Variants in TNKS2 observed in about 807,000 individuals in gnomAD.
The protein encoded by TNKS2 is poly [ADP-ribose] polymerase tankyrase-2.
In TNKS2, 72 loss-of-function variants were observed where a neutral mutation model predicts 137.6. That is an observed-to-expected ratio of 0.52 (90% CI 0.43 to 0.64). The LOEUF is 0.64. Ranked by LOEUF, TNKS2 falls within the 30% of genes least tolerant of loss-of-function variation. The pLI, the probability that TNKS2 is intolerant of heterozygous loss-of-function variation, is 0.00. For synonymous variants in TNKS2, 516 were observed against 512.1 expected (o/e 1.01, Z -0.10); for missense variants, 1,049 against 1,410.2 (o/e 0.74, Z 4.10).
chr10:91,840,840 T>A, intron 14 of TNKS2, 134 bp downstream of exon 14: 2 of 827,418 alleles, frequency 2.4e-6, no homozygotes, highest in Non-Finnish European at 3.6e-6. Flanking sequence ...TAAATAGAGC[T>A]TCTTAATTTC....
chr10:91,845,369 T>A (rs1376227500), intron 17 of TNKS2, among the ~76,000 whole-genome samples: 1 of 152,248 alleles, frequency 6.6e-6, no homozygotes, highest in Non-Finnish European at 1.5e-5. Context: ...TGTTCCTGAC[T>A]TATCATAGTC....
At chr10:91,828,774 A>G (rs973841139) in intron 9 of TNKS2, among the ~76,000 whole-genome samples, 3 of 152,178 alleles carry the variant, frequency 2.0e-5, no homozygotes, top group Admixed American at 2.0e-4. Flanking sequence ...TAAAATAAAT[A>G]CCACCATCCA....
At chr10:91,842,448 C>T in intron 16 of TNKS2, 57 bp downstream of exon 16, 5 of 1,495,490 alleles carry the variant, frequency 3.3e-6, no homozygotes, top group East Asian at 2.3e-5. Flanking sequence ...TCATTTTACC[C>T]AGGTAAAATA....
chr10:91,828,891 A>G (rs926447126), intron 9 of TNKS2, among the ~76,000 whole-genome samples: 3 of 152,208 alleles, frequency 2.0e-5, no homozygotes, highest in African/African-American at 7.2e-5. Context: ...TAACTGTGGA[A>G]CTATGACAAA....
Position 91,826,586 on chromosome 10 carries a change from A to G in TNKS2, c.796-431A>G, listed in dbSNP as rs374151158. Among the ~76,000 whole-genome samples the G allele has an allele frequency of 1.1e-4, 17 of 152,346 alleles. No homozygotes were observed. In the East Asian group the frequency reaches 2.7e-3, roughly 24 times the overall value. The stretch of plus-strand genomic sequence containing the variant: ...TCTAATATGTGGCCAGAATCGGGGC[A>G]GGAATTGTCTATAAAAGGAGCATGA... On this transcript the variant is annotated intron_variant, in intron 7 of 26. Coordinates refer to ENST00000371627, the MANE Select transcript of TNKS2 (RefSeq NM_025235.4).
At chr10:91,837,827 C>G (rs747706018) in intron 13 of TNKS2, among the ~76,000 whole-genome samples, 4 of 152,158 alleles carry the variant, frequency 2.6e-5, no homozygotes, top group Admixed American at 6.5e-5. Flanking sequence ...CAGAAAAATG[C>G]AACTATCATG....
In TNKS2 at chr10:91,849,555, T is replaced by C; in HGVS notation, c.2655T>C (p.Leu885=). The part of the protein sequence containing the change: ...DFSITQFVRN[L]GLEHLMDIFE... ...GCATAACTCAATTCGTAAGGAATCT[T>C]GGACTTGAGCACCTAATGGATATAT... Residue 885 remains leucine (L), a synonymous_variant, in exon 20 of 27, where the codon CTT becomes CTC. Coordinates refer to ENST00000371627, the MANE Select transcript of TNKS2 (RefSeq NM_025235.4). 1.2e-6 allele frequency: 2 copies of C among 1,612,650 alleles called. No individual in the cohort carries two copies.
At chr10:91,852,153 G>A (rs921189789) in intron 21 of TNKS2, among the ~76,000 whole-genome samples, 18 of 151,870 alleles carry the variant, frequency 1.2e-4, no homozygotes, top group African/African-American at 3.9e-4. Context: ...GCGTGAACCC[G>A]GGAAGCGGAG....
At position 91,841,455 on chromosome 10, in the gene TNKS2, T is replaced by G; in HGVS notation, c.1839+7T>G. On this transcript the variant is annotated splice_region_variant and intron_variant, in intron 15 of 26. Coordinates refer to ENST00000371627, the MANE Select transcript of TNKS2 (RefSeq NM_025235.4). ...TTGCAAACTTCTGCTCCAGGTATAT[T>G]TAAATACTTAACTGTAAAGAGTATG... 6.3e-7 allele frequency: 1 copy of G among 1,589,992 alleles called. No individual in the cohort carries two copies.
At chr10:91,844,692 A>G (rs1225826218) in intron 16 of TNKS2, among the ~76,000 whole-genome samples, 1 of 152,226 alleles carries the variant, frequency 6.6e-6, no homozygotes, top group Non-Finnish European at 1.5e-5. Context: ...AACTTGAGGC[A>G]AGGGGGAAAT....
At chr10:91,857,356 G>A in intron 23 of TNKS2, 69 bp from the exon 24 acceptor site, 1 of 1,055,196 alleles carries the variant, frequency 9.5e-7, no homozygotes, top group Non-Finnish European at 1.4e-6. Flanking sequence ...TATGTCCCAT[G>A]TTTGGTTTAG....
intron 1 of TNKS2, among the ~76,000 whole-genome samples, chr10:91,811,763 A>G (rs1844514848): frequency 6.6e-6 from 1 of 152,176 alleles, no homozygotes; most frequent in South Asian, 2.1e-4. Context: ...TGGTGGCTTT[A>G]AGAATAGAAT....
rs1299579701 is a variant in TNKS2 at position 91,827,161 on chromosome 10, A to G, written c.940A>G (p.Ile314Val). 4.4e-6 allele frequency: 7 copies of G among 1,592,532 alleles called. No individual in the cohort carries two copies. The highest frequency in any genetic ancestry group is 3.4e-5 in the South Asian group (3 of 87,316). Residue 314 changes from isoleucine to valine, a missense_variant, in exon 8 of 27, where the codon ATA becomes GTA. This residue lies in a region of TNKS2 where 374 missense variants were observed against 460.8 expected (regional missense o/e 0.81). Coordinates refer to ENST00000371627, the MANE Select transcript of TNKS2 (RefSeq NM_025235.4). Reference protein sequence around the residue: ...TLLNCHNKSAIDLAPTPQLKE... With the variant: ...TLLNCHNKSAVDLAPTPQLKE... ...GCTCAATTGTCACAATAAAAGTGCT[A>G]TAGACTTGGCTCCCACACCACAGTT...
At chr10:91,799,410 A>G (rs999023897) in intron 1 of TNKS2, among the ~76,000 whole-genome samples, 1 of 152,218 alleles carries the variant, frequency 6.6e-6, no homozygotes, top group Non-Finnish European at 1.5e-5. Context: ...ATAGCCAATC[A>G]TTACCAAGTT....
At chr10:91,844,284 C>T (rs1842299445) in intron 16 of TNKS2, among the ~76,000 whole-genome samples, 1 of 152,142 alleles carries the variant, frequency 6.6e-6, no homozygotes, top group African/African-American at 2.4e-5. Context: ...TTGTATTCTT[C>T]TTTACTTGAT....
chr10:91,828,262 G>A (rs2133628356), intron 8 of TNKS2, 23 bp from the exon 9 acceptor site: 2 of 1,543,662 alleles, frequency 1.3e-6, no homozygotes, highest in East Asian at 2.4e-5. Context: ...CGTTATACAT[G>A]TAAATGCTTT....
chr10:91,807,698 T>G (rs1376142006), intron 1 of TNKS2, among the ~76,000 whole-genome samples: 1 of 152,118 alleles, frequency 6.6e-6, no homozygotes, highest in Non-Finnish European at 1.5e-5. Flanking sequence ...TTCATGGAAC[T>G]AAGAGTCTAG....
At chr10:91,821,172 G>A (rs923842992) in intron 6 of TNKS2, among the ~76,000 whole-genome samples, 2 of 152,054 alleles carry the variant, frequency 1.3e-5, no homozygotes, top group Non-Finnish European at 2.9e-5. Context: ...TGAGTAGCTG[G>A]GATTACAGGT....
chr10:91,843,061 A>G (rs914007262), intron 16 of TNKS2, among the ~76,000 whole-genome samples: 5 of 151,614 alleles, frequency 3.3e-5, no homozygotes, highest in East Asian at 1.9e-4. Context: ...AAAGCTTTCT[A>G]TTTTTCCTGA....
Sources: gnomAD v4.1 joint callset for allele counts (sites outside exome capture counted in the v4.1 genomes callset) on GRCh38, gnomAD v4.1.1 for gene constraint, gnomAD v4.1.1 regional missense constraint, MANE v1.5 for transcripts, NCBI Gene and HGNC (gene_info 2026-07-23, HGNC 2026-07-21) for gene names.